The following ASXL3 variants were observed in gnomAD, a reference collection of about 807,000 sequenced individuals.
ASXL3 encodes the protein ASXL transcriptional regulator 3.
Under a neutral mutation model 170.6 loss-of-function variants are expected in ASXL3, and 34 were observed. The ratio of observed to expected loss-of-function variants is 0.20; its 90% CI spans 0.15 to 0.27. ASXL3 has a LOEUF of 0.27. Among genes scored for constraint, ASXL3 ranks in the 10% least tolerant of loss-of-function variants. The pLI is 1.00. For synonymous variants in ASXL3, 1,002 were observed against 989.1 expected (o/e 1.01, Z -0.24); for missense variants, 2,592 against 2,695.3 (o/e 0.96, Z 0.85).
At chr18:33,714,301 C>T (rs2067128874) in intron 8 of ASXL3, among the ~76,000 whole-genome samples, 1 of 152,104 alleles carries the variant, frequency 6.6e-6, no homozygotes, top group African/African-American at 2.4e-5. Flanking sequence ...CAGCACGTTG[C>T]CAAGGGCTCA....
At position 33,713,235 on chromosome 18, in the gene ASXL3, TTTGTTTTGTTTTG is replaced by T. The variant is rs1336524959; in HGVS notation, c.880-18730_880-18718del. Among the ~76,000 whole-genome samples the T allele has an allele frequency of 6.6e-3, 460 of 69,586 alleles. 79 individuals are homozygous for T. The highest frequency in any genetic ancestry group is 0.038 in the African/African-American group (410 of 10,742). The allele number at this position is 69,586 out of a possible 152,430, so 45.7% of individuals were successfully genotyped here. On this transcript the variant is annotated intron_variant, in intron 8 of 11. Coordinates refer to ENST00000269197, the MANE Select transcript of ASXL3 (RefSeq NM_030632.3). ...AGCAATCTACCACAAGAAGGTTTTT[TTTGTTTTGTTTTG>T]TTTTTTTTTTTTTTTTTTTTTTTTT...
intron 2 of ASXL3, among the ~76,000 whole-genome samples, chr18:33,612,086 A>C (rs976201623): frequency 6.6e-6 from 1 of 151,998 alleles, no homozygotes; most frequent in African/African-American, 2.4e-5. Flanking sequence ...ATTACAAGAT[A>C]CCTGTCATTA....
At chr18:33,645,399 CATTT>C (rs1344645061) in intron 3 of ASXL3, among the ~76,000 whole-genome samples, 2 of 151,728 alleles carry the variant, frequency 1.3e-5, no homozygotes, top group African/African-American at 2.4e-5. Flanking sequence ...AAAAATAAGA[CATTT>C]ATTCATTCTG....
At chr18:33,719,668 A>G (rs1278591716) in intron 8 of ASXL3, among the ~76,000 whole-genome samples, 1 of 151,946 alleles carries the variant, frequency 6.6e-6, no homozygotes, top group Non-Finnish European at 1.5e-5. Context: ...GAGCTTTGGG[A>G]GATGATTAGA....
chr18:33,719,642 A>T (rs1055241655), intron 8 of ASXL3, among the ~76,000 whole-genome samples: 2 of 151,922 alleles, frequency 1.3e-5, no homozygotes, highest in African/African-American at 4.8e-5. Context: ...TCCCATAGTG[A>T]TGTTACTAGA....
chr18:33,602,039 C>G (rs754425448), intron 1 of ASXL3, among the ~76,000 whole-genome samples: 1 of 151,752 alleles, frequency 6.6e-6, no homozygotes, highest in Non-Finnish European at 1.5e-5. Context: ...TGGGCTCAAA[C>G]GATCTGCATA....
chr18:33,746,633 G>A lies in ASXL3; in HGVS notation c.*38G>A. 1 of 1,519,508 alleles carries A rather than the reference G, an allele frequency of 6.6e-7. No homozygotes were observed. Among genetic ancestry groups the A allele is most frequent in the Non-Finnish European group, 8.8e-7 (1 of 1,139,210 alleles). The allele number at this position is 1,519,508 out of a possible 1,614,324, so 94.1% of individuals were successfully genotyped here. Reference sequence around the variant, plus strand: ...AGATGCAGTATCCCTTTTCCACACGGAAAAGCCAAATAGCATCAGCAACAA... The same window carrying A: ...AGATGCAGTATCCCTTTTCCACACGAAAAAGCCAAATAGCATCAGCAACAA... On this transcript the variant is annotated 3_prime_UTR_variant, in exon 12 of 12. Coordinates refer to ENST00000269197, the MANE Select transcript of ASXL3 (RefSeq NM_030632.3).
At chr18:33,591,651 T>C (rs555886959) in intron 1 of ASXL3, among the ~76,000 whole-genome samples, 60 of 152,052 alleles carry the variant, frequency 3.9e-4, no homozygotes, top group Non-Finnish European at 6.8e-4. Context: ...TTTTTTTTTT[T>C]TTCTTTTTTA....
At chr18:33,632,256 T>G (rs576946405) in intron 2 of ASXL3, among the ~76,000 whole-genome samples, 1 of 152,118 alleles carries the variant, frequency 6.6e-6, no homozygotes, top group Non-Finnish European at 1.5e-5. Context: ...ATTTTTTTCC[T>G]TTCTTTGATC....
Position 33,698,115 on chromosome 18 carries a change from G to A in ASXL3, c.879+14547G>A, listed in dbSNP as rs139159953. Among the ~76,000 whole-genome samples the A allele has an allele frequency of 2.3e-3, 349 of 152,230 alleles. 4 individuals carry two copies. The South Asian group carries it at 0.026, about 11-fold the overall frequency. On this transcript the variant is annotated intron_variant, in intron 8 of 11. Transcript: ENST00000269197. ...CTCCAAGCTGATGTTATCAAGAGATGTGGGGCCTTTTGAGAAGTGATTAAG... is the reference window on the plus strand; with the variant it reads ...CTCCAAGCTGATGTTATCAAGAGATATGGGGCCTTTTGAGAAGTGATTAAG...
intron 8 of ASXL3, among the ~76,000 whole-genome samples, chr18:33,714,967 G>A (rs1187707112): frequency 1.3e-5 from 2 of 152,144 alleles, no homozygotes; most frequent in Non-Finnish European, 2.9e-5. Flanking sequence ...AAGGACAGCT[G>A]ATTGCAAAGC....
intron 2 of ASXL3, among the ~76,000 whole-genome samples, chr18:33,624,621 A>G (rs1180045688): frequency 6.6e-6 from 1 of 152,064 alleles, no homozygotes; most frequent in Non-Finnish European, 1.5e-5. Flanking sequence ...TCTGATGGGT[A>G]TGTTTTTGGG....
intron 8 of ASXL3, among the ~76,000 whole-genome samples, chr18:33,691,787 G>A (rs779108218): frequency 3.3e-5 from 5 of 152,164 alleles, no homozygotes; most frequent in Admixed American, 6.6e-5. Context: ...CATTTGGGCC[G>A]GGTCCGGAAA....
chr18:33,726,991 T>C (rs1276037061), intron 8 of ASXL3, among the ~76,000 whole-genome samples: 1 of 152,212 alleles, frequency 6.6e-6, no homozygotes, highest in Non-Finnish European at 1.5e-5. Context: ...TGTGGCTTGC[T>C]TTTGCATTTC....
chr18:33,578,781 C>T (rs1599364355), intron 1 of ASXL3, 96 bp downstream of exon 1: 1 of 767,676 alleles, frequency 1.3e-6, no homozygotes, highest in Non-Finnish European at 1.7e-6. Context: ...ACTTCCAGCC[C>T]GAGCCGCCGC....
chr18:33,650,747 A>G (rs1395718016), intron 4 of ASXL3, among the ~76,000 whole-genome samples: 2 of 152,154 alleles, frequency 1.3e-5, no homozygotes, highest in Non-Finnish European at 2.9e-5. Context: ...TCTCCTTTGA[A>G]GTTGCATTCG....
rs2066546212 is a variant in ASXL3, at chr18:33,683,492, A to G, written c.803A>G (p.Asn268Ser). 8 of 1,613,700 alleles carry G rather than the reference A, an allele frequency of 5.0e-6. No homozygotes were observed. The highest frequency in any genetic ancestry group is 5.9e-6 in the Non-Finnish European group (7 of 1,179,756). Residue 268 changes from asparagine (N) to serine (S), a missense_variant, in exon 8 of 12, where the codon AAT becomes AGT. By Grantham distance (46) the Asn-to-Ser change is conservative (BLOSUM62 1). Coordinates refer to ENST00000269197, the MANE Select transcript of ASXL3 (RefSeq NM_030632.3). The stretch of plus-strand genomic sequence containing the variant: ...AACACTAACTTGAGGGCATTAATAA[A>G]TAAACATACGTTTGCTTCCTTACCT... Reference protein sequence around the residue: ...LVNTNLRALINKHTFASLPQH... With the variant: ...LVNTNLRALISKHTFASLPQH...
At chr18:33,623,962 T>C (rs2065559016) in intron 2 of ASXL3, among the ~76,000 whole-genome samples, 1 of 152,074 alleles carries the variant, frequency 6.6e-6, no homozygotes, top group Admixed American at 6.6e-5. Context: ...AGTTTAAGAC[T>C]ATTCTTGGAA....
rs762623423 is a variant in ASXL3 at position 33,745,758 on chromosome 18, G to A, written c.5910G>A (p.Lys1970=). 13 of 1,614,002 alleles carry A rather than the reference G, an allele frequency of 8.1e-6. No individual in the cohort carries two copies. In the East Asian group the frequency reaches 1.1e-4, roughly 14 times the overall value. ...AFAFNRHLEQ[K]GLGEVSLSSA... ...CCTTCAACAGGCATCTTGAACAGAA[G>A]GGATTGGGAGAGGTTAGTCTTTCCT... Residue 1970 remains lysine, a synonymous_variant, in exon 12 of 12, where the codon AAG becomes AAA. Coordinates refer to ENST00000269197, the MANE Select transcript of ASXL3 (RefSeq NM_030632.3).
Sources: gnomAD v4.1 joint callset for allele counts (sites outside exome capture counted in the v4.1 genomes callset) on GRCh38, gnomAD v4.1.1 for gene constraint, MANE v1.5 for transcripts, NCBI Gene and HGNC (gene_info 2026-07-23, HGNC 2026-07-21) for gene names.